The following PPARGC1A variants were observed in gnomAD, a reference collection of about 807,000 sequenced individuals.
PPARGC1A encodes the protein PPARG coactivator 1 alpha.
Under a neutral mutation model 88.7 loss-of-function variants are expected in PPARGC1A, and 25 were observed. The observed-to-expected ratio is 0.28, with a 90% CI of 0.21 to 0.39. The LOEUF is 0.39. PPARGC1A is among the 10% of genes least tolerant of loss of function. The probability of loss-of-function intolerance (pLI) is 1.00; values close to 1 mark genes in which losing one functional copy is unlikely to be tolerated. For missense variants in PPARGC1A, 880 were observed against 968.7 expected, an observed-to-expected ratio of 0.91 and a Z score of 1.22; for synonymous variants, 363 against 355.6, an observed-to-expected ratio of 1.02 and a Z score of -0.24.
At chr4:24,468,523 A>G in the PPARGC1A span, among the ~76,000 whole-genome samples, 1 of 152,278 alleles carries the variant, frequency 6.6e-6, no homozygotes, top group Non-Finnish European at 1.5e-5. Context: ...ATAGGACGAA[A>G]TTTCCCAGTT....
the PPARGC1A span, among the ~76,000 whole-genome samples, chr4:24,249,692 T>C: frequency 2.0e-5 from 3 of 152,122 alleles, no homozygotes; most frequent in Admixed American, 1.3e-4. Flanking sequence ...CAGGGAAACA[T>C]GACATAAAGA....
the PPARGC1A span, among the ~76,000 whole-genome samples, chr4:24,284,577 T>C: frequency 1.6e-4 from 24 of 152,266 alleles, no homozygotes; most frequent in African/African-American, 5.3e-4. Context: ...GTGCGCCCCA[T>C]TGTTTCCAGA....
At chr4:23,979,161 C>G in the PPARGC1A span, among the ~76,000 whole-genome samples, 1 of 152,146 alleles carries the variant, frequency 6.6e-6, no homozygotes, top group Non-Finnish European at 1.5e-5. Context: ...TATTGAAGAA[C>G]ACTAGCACCA....
chr4:24,197,230 A>G, the PPARGC1A span, among the ~76,000 whole-genome samples: 2 of 152,300 alleles, frequency 1.3e-5, no homozygotes, highest in East Asian at 3.9e-4. Flanking sequence ...GATCTTTGCT[A>G]TTTTCCAGGG....
chr4:23,858,342 G>T (rs1369217133), intron 2 of PPARGC1A, among the ~76,000 whole-genome samples: 1 of 152,102 alleles, frequency 6.6e-6, no homozygotes, highest in Admixed American at 6.5e-5. Context: ...CACATGATAG[G>T]TGATCAGTAA....
the PPARGC1A span, among the ~76,000 whole-genome samples, chr4:24,243,030 G>A: frequency 6.6e-6 from 1 of 152,086 alleles, no homozygotes; most frequent in Non-Finnish European, 1.5e-5. Context: ...ATTTAATTAA[G>A]GTGAATTTCT....
the PPARGC1A span, among the ~76,000 whole-genome samples, chr4:24,095,112 G>C: frequency 2.6e-4 from 35 of 132,304 alleles, no homozygotes; most frequent in Non-Finnish European, 3.9e-4. Flanking sequence ...TTAGAAATAG[G>C]GTCTTTTTTT....
chr4:24,357,066 G>T, the PPARGC1A span, among the ~76,000 whole-genome samples: 1 of 152,182 alleles, frequency 6.6e-6, no homozygotes, highest in African/African-American at 2.4e-5. Context: ...TCTTGTATGG[G>T]ACTATGCTGA....
the PPARGC1A span, among the ~76,000 whole-genome samples, chr4:23,941,829 A>G: frequency 6.6e-6 from 1 of 152,300 alleles, no homozygotes; most frequent in Admixed American, 6.5e-5. Context: ...AAGCCACAAC[A>G]CTAACCACCA....
At chr4:24,053,827 C>T in the PPARGC1A span, among the ~76,000 whole-genome samples, 3 of 152,124 alleles carry the variant, frequency 2.0e-5, no homozygotes, top group African/African-American at 7.2e-5. Context: ...CATTAAACCA[C>T]GATTGTTATT....
At chr4:23,938,706 A>G in the PPARGC1A span, among the ~76,000 whole-genome samples, 1 of 152,230 alleles carries the variant, frequency 6.6e-6, no homozygotes, top group East Asian at 1.9e-4. Context: ...CAGGGATCAC[A>G]TAGAGAAAAC....
intron 1 of PPARGC1A, chr4:23,889,128 A>G (rs1377248110): frequency 1.0e-6 from 1 of 985,160 alleles, no homozygotes; most frequent in African/African-American, 1.7e-5. Flanking sequence ...TGTGGAATTG[A>G]TGTATTGCTG....
chr4:23,999,725 G>A, the PPARGC1A span, among the ~76,000 whole-genome samples: 2 of 152,144 alleles, frequency 1.3e-5, no homozygotes, highest in Admixed American at 6.6e-5. Context: ...TTGAACGGTC[G>A]GCTATCTGAC....
the PPARGC1A span, among the ~76,000 whole-genome samples, chr4:24,229,511 G>A: frequency 3.3e-5 from 5 of 151,324 alleles, no homozygotes; most frequent in East Asian, 7.9e-4. Flanking sequence ...AGACCCACTG[G>A]TATACCCCTC....
intron 2 of PPARGC1A, chr4:23,883,880 T>G (rs1368434927): frequency 1.3e-5 from 2 of 152,150 alleles, no homozygotes; most frequent in Non-Finnish European, 2.9e-5. Context: ...TGCTGATGAA[T>G]AAGAAAAGTC....
the PPARGC1A span, among the ~76,000 whole-genome samples, chr4:23,984,145 GA>G: frequency 6.6e-6 from 1 of 151,874 alleles, no homozygotes; most frequent in African/African-American, 2.4e-5. Flanking sequence ...ATATCTTCTG[GA>G]CATCCACACC....
chr4:23,816,570 C>T (rs1054793128), intron 7 of PPARGC1A, among the ~76,000 whole-genome samples: 1 of 152,108 alleles, frequency 6.6e-6, no homozygotes, highest in Non-Finnish European at 1.5e-5. Context: ...CTCAAATATT[C>T]CTCCTAGGAG....
chr4:24,195,279 G>A, the PPARGC1A span, among the ~76,000 whole-genome samples: 1 of 152,154 alleles, frequency 6.6e-6, no homozygotes, highest in Admixed American at 6.5e-5. Flanking sequence ...TATAGCTGTG[G>A]TGAAGATTAA....
intron 2 of PPARGC1A, among the ~76,000 whole-genome samples, chr4:23,843,523 T>A (rs1306135241): frequency 6.6e-6 from 1 of 152,074 alleles, no homozygotes; most frequent in Non-Finnish European, 1.5e-5. Flanking sequence ...AATAACATTA[T>A]CATTTTCATG....
Sources: gnomAD v4.1 joint callset for allele counts (sites outside exome capture counted in the v4.1 genomes callset) on GRCh38, gnomAD v4.1.1 for gene constraint, MANE v1.5 for transcripts, NCBI Gene and HGNC (gene_info 2026-07-23, HGNC 2026-07-21) for gene names.